Variants in FOXP2 observed in about 807,000 individuals in gnomAD.
FOXP2 encodes forkhead box P2, also known as forkhead box protein P2.
FOXP2 carries 12 observed loss-of-function variants against 115.8 expected under a neutral mutation model. That is an observed-to-expected ratio of 0.10 (90% CI 0.07 to 0.17). The LOEUF (loss-of-function observed/expected upper bound fraction) is 0.17, where lower values mean the gene tolerates loss of function less well. FOXP2 is among the 10% of genes least tolerant of loss of function. The pLI is 1.00. For synonymous variants in FOXP2, 328 were observed against 297.7 expected, an observed-to-expected ratio of 1.10 and a Z score of -1.05; for missense variants, 629 against 843.5, an observed-to-expected ratio of 0.75 and a Z score of 3.15.
intron 2 of FOXP2, among the ~76,000 whole-genome samples, chr7:114,311,013 C>G (rs1165441883): frequency 6.6e-6 from 1 of 152,132 alleles, no homozygotes; most frequent in East Asian, 1.9e-4. Context: ...TCTGCCTGCG[C>G]ATGCTTGAGT....
At chr7:114,102,393 A>G (rs1445423009) in intron 1 of FOXP2, among the ~76,000 whole-genome samples, 1 of 151,970 alleles carries the variant, frequency 6.6e-6, no homozygotes, top group African/African-American at 2.4e-5. Flanking sequence ...ATAGTAAATG[A>G]TATAGGCTTT....
chr7:114,463,171 G>A, intron 2 of FOXP2: 1 of 291,452 alleles, frequency 3.4e-6, no homozygotes, highest in Non-Finnish European at 7.0e-6. Context: ...TAGGACTACA[G>A]GTGTGTGCCA....
At chr7:114,219,870 T>G (rs2129163465) in intron 1 of FOXP2, among the ~76,000 whole-genome samples, 1 of 152,094 alleles carries the variant, frequency 6.6e-6, no homozygotes, top group East Asian at 1.9e-4. Context: ...TTTGTTTTGT[T>G]TTTTCTAATG....
intron 1 of FOXP2, among the ~76,000 whole-genome samples, chr7:114,280,565 A>G (rs1465702324): frequency 6.6e-6 from 1 of 152,156 alleles, no homozygotes; most frequent in East Asian, 1.9e-4. Context: ...TTTTTATAAA[A>G]GCTATACTCT....
At chr7:114,659,120 G>T (rs941015067) in intron 11 of FOXP2, among the ~76,000 whole-genome samples, 3 of 152,118 alleles carry the variant, frequency 2.0e-5, no homozygotes, top group Non-Finnish European at 4.4e-5. Flanking sequence ...AAATCCTCAG[G>T]CCAGCAGGTC....
upstream of FOXP2, among the ~76,000 whole-genome samples, chr7:114,413,911 G>A (rs751503030): frequency 1.3e-5 from 2 of 152,112 alleles, no homozygotes; most frequent in Non-Finnish European, 2.9e-5. Context: ...TAGGTGGGGT[G>A]CTGTTAAAGC....
chr7:114,233,344 T>C (rs1428868908), intron 1 of FOXP2, among the ~76,000 whole-genome samples: 1 of 152,246 alleles, frequency 6.6e-6, no homozygotes, highest in Non-Finnish European at 1.5e-5. Flanking sequence ...GTATGTCTTA[T>C]ACAAAACAGA....
rs1797414195 is a variant in FOXP2, at chr7:114,321,211, A to G, written c.-11+33102A>G. 2.7e-5 allele frequency among the ~76,000 whole-genome samples: 4 copies of G among 150,704 alleles called. No homozygotes were observed. In the Admixed American group the frequency reaches 2.7e-4, roughly 10 times the overall value. On this transcript the variant is annotated intron_variant, in intron 2 of 17. Transcript: ENST00000634411. The stretch of plus-strand genomic sequence containing the variant: ...TATTTATTTATTTATTTATTTATTT[A>G]TTTATGAGACAGAGTCTTGCTCTGT...
chr7:114,276,676 G>C (rs538585461), intron 1 of FOXP2, among the ~76,000 whole-genome samples: 1 of 152,204 alleles, frequency 6.6e-6, no homozygotes, highest in South Asian at 2.1e-4. Flanking sequence ...TTCTGGTACT[G>C]GTTCCCATAG....
At chr7:114,243,542 A>G (rs1795204736) in intron 1 of FOXP2, among the ~76,000 whole-genome samples, 1 of 151,954 alleles carries the variant, frequency 6.6e-6, no homozygotes, top group Non-Finnish European at 1.5e-5. Context: ...TTTTGAACCA[A>G]TTTTTCTTGG....
intron 2 of FOXP2, among the ~76,000 whole-genome samples, chr7:114,373,641 T>A (rs750727507): frequency 5.9e-5 from 9 of 152,298 alleles, no homozygotes; most frequent in Non-Finnish European, 1.0e-4. Context: ...TATCAACCTT[T>A]CCTTGTAGAA....
At chr7:114,213,468 T>TACTA (rs1794408714) in intron 1 of FOXP2, among the ~76,000 whole-genome samples, 2 of 152,322 alleles carry the variant, frequency 1.3e-5, no homozygotes, top group South Asian at 4.1e-4. Flanking sequence ...AATAACTTAG[T>TACTA]AATGTCAGTT....
intron 1 of FOXP2, among the ~76,000 whole-genome samples, chr7:114,220,032 A>AC (rs1794583865): frequency 7.2e-6 from 1 of 138,582 alleles, no homozygotes; most frequent in Non-Finnish European, 1.6e-5. Context: ...ATGCTCAGCT[A>AC]ATTTTTTTTT....
At chr7:114,130,604 T>C (rs1791847003) in intron 1 of FOXP2, among the ~76,000 whole-genome samples, 2 of 152,240 alleles carry the variant, frequency 1.3e-5, no homozygotes, top group South Asian at 4.1e-4. Flanking sequence ...ACTTAGAACA[T>C]TTAAATTCTA....
chr7:114,117,755 A>G (rs956957425), intron 1 of FOXP2, among the ~76,000 whole-genome samples: 1 of 152,112 alleles, frequency 6.6e-6, no homozygotes, highest in Non-Finnish European at 1.5e-5. Flanking sequence ...CATCAACTAG[A>G]TAGCTTATAA....
chr7:114,328,233 C>CTTTTTTTTTTT (rs1193894946), intron 2 of FOXP2, among the ~76,000 whole-genome samples: 5 of 129,592 alleles, frequency 3.9e-5, no homozygotes, highest in Admixed American at 7.9e-5. Flanking sequence ...CTTTTCTTTT[C>CTTTTTTTTTTT]TTTTTTTTTT....
chr7:114,090,378 A>G (rs1017351011), intron 1 of FOXP2, among the ~76,000 whole-genome samples: 2 of 151,890 alleles, frequency 1.3e-5, no homozygotes, highest in Non-Finnish European at 3.0e-5. Flanking sequence ...TCTTATTCAT[A>G]AATGAATGGA....
intron 2 of FOXP2, among the ~76,000 whole-genome samples, chr7:114,433,634 G>A (rs527381010): frequency 6.6e-6 from 1 of 152,002 alleles, no homozygotes; most frequent in East Asian, 1.9e-4. Flanking sequence ...CTAGGTATAA[G>A]TGTGCCTTAA....
At chr7:114,468,390 A>G (rs1054413756) in intron 2 of FOXP2, among the ~76,000 whole-genome samples, 9 of 152,194 alleles carry the variant, frequency 5.9e-5, no homozygotes, top group African/African-American at 2.2e-4. Context: ...GCTTAAGAAA[A>G]TTCTTCAATT....
Sources: allele counts gnomAD v4.1 joint callset (sites outside exome capture counted in the v4.1 genomes callset), GRCh38; gene constraint gnomAD v4.1.1; transcripts MANE v1.5; gene names NCBI Gene and HGNC (gene_info 2026-07-23, HGNC 2026-07-21).